Variants in PHKB observed in about 807,000 individuals in gnomAD.
The protein encoded by PHKB is phosphorylase b kinase regulatory subunit beta.
Under a neutral mutation model 152.1 loss-of-function variants are expected in PHKB, and 122 were observed. The ratio of observed to expected loss-of-function variants is 0.80; its 90% CI spans 0.69 to 0.93. The LOEUF (loss-of-function observed/expected upper bound fraction) is 0.93. PHKB is among the 40% of genes least tolerant of loss of function. The probability of loss-of-function intolerance (pLI) is 0.00; values close to 1 mark genes in which losing one functional copy is unlikely to be tolerated. For missense variants in PHKB, 1,304 were observed against 1,328.4 expected (o/e 0.98, Z 0.29); for synonymous variants, 436 against 464.9 (o/e 0.94, Z 0.80).
intron 13 of PHKB, among the ~76,000 whole-genome samples, chr16:47,604,442 T>C (rs897686813): frequency 7.4e-5 from 11 of 149,598 alleles, no homozygotes; most frequent in East Asian, 1.9e-4. Context: ...CACACACACA[T>C]GTATTTGGAA....
intron 20 of PHKB, among the ~76,000 whole-genome samples, chr16:47,651,188 A>G (rs993907010): frequency 2.0e-5 from 3 of 152,204 alleles, no homozygotes; most frequent in Non-Finnish European, 4.4e-5. Flanking sequence ...GACCTGCTTT[A>G]TAACCTTGGG....
intron 20 of PHKB, among the ~76,000 whole-genome samples, chr16:47,657,241 A>G (rs529662397): frequency 6.6e-6 from 1 of 152,290 alleles, no homozygotes; most frequent in South Asian, 2.1e-4. Flanking sequence ...CACTACTGTT[A>G]TCTGTGGGAA....
intron 4 of PHKB, 126 bp downstream of exon 4, chr16:47,503,216 C>T: frequency 1.3e-6 from 1 of 741,678 alleles, no homozygotes; most frequent in Non-Finnish European, 2.4e-6. Context: ...CTAGGGCGGC[C>T]TAGATAGGTT....
chr16:47,521,750 T>C (rs1341136896), intron 6 of PHKB, among the ~76,000 whole-genome samples: 2 of 152,184 alleles, frequency 1.3e-5, no homozygotes, highest in Non-Finnish European at 2.9e-5. Flanking sequence ...TATTCCTCGT[T>C]TCTTGAGTGC....
At chr16:47,508,125 C>G (rs1333459851) in intron 4 of PHKB, among the ~76,000 whole-genome samples, 2 of 152,132 alleles carry the variant, frequency 1.3e-5, no homozygotes, top group East Asian at 3.8e-4. Context: ...TCTAAAAATA[C>G]TAGCTAAAAG....
rs190868782 is a variant in PHKB, at chr16:47,488,452, C to T, written c.77-8947C>T. The stretch of plus-strand genomic sequence containing the variant: ...GAAGCTCTTTAGTTTAATTAGGTTC[C>T]AATTGTCAATTTTTGTTTTTGTTTT... On this transcript the variant is annotated intron_variant, in intron 1 of 30. Transcript: ENST00000323584. 2.0e-5 allele frequency among the ~76,000 whole-genome samples: 3 copies of T among 152,162 alleles called. No homozygotes were observed. The East Asian group carries it at 5.8e-4, about 29-fold the overall frequency.
intron 25 of PHKB, among the ~76,000 whole-genome samples, chr16:47,667,938 T>C (rs543191530): frequency 1.3e-5 from 2 of 152,268 alleles, no homozygotes; most frequent in East Asian, 3.9e-4. Context: ...CTCATCACAC[T>C]AGCGTGTCTC....
intron 7 of PHKB, among the ~76,000 whole-genome samples, chr16:47,559,493 G>T (rs1390677004): frequency 6.6e-6 from 1 of 152,120 alleles, no homozygotes; most frequent in African/African-American, 2.4e-5. Context: ...GGCAGTTTTT[G>T]CTCAGGGTCT....
At chr16:47,470,247 G>A (rs1969741572) in intron 1 of PHKB, among the ~76,000 whole-genome samples, 1 of 152,168 alleles carries the variant, frequency 6.6e-6, no homozygotes, top group South Asian at 2.1e-4. Context: ...CATTAGCATT[G>A]TTTCTGTAGA....
At chr16:47,692,166 A>G (rs930283482) in intron 27 of PHKB, among the ~76,000 whole-genome samples, 1 of 152,188 alleles carries the variant, frequency 6.6e-6, no homozygotes, top group African/African-American at 2.4e-5. Flanking sequence ...ATAAATTTTC[A>G]TTGGTCCTCT....
intron 15 of PHKB, among the ~76,000 whole-genome samples, chr16:47,641,354 C>T (rs996962089): frequency 2.6e-5 from 4 of 152,162 alleles, no homozygotes; most frequent in African/African-American, 9.7e-5. Flanking sequence ...GAAATTCATG[C>T]AAACACATGG....
At chr16:47,479,537 G>A (rs780628140) in intron 1 of PHKB, among the ~76,000 whole-genome samples, 18 of 151,842 alleles carry the variant, frequency 1.2e-4, no homozygotes, top group Non-Finnish European at 2.4e-4. Context: ...AGTTAAGCGG[G>A]TTTGGGATAG....
At chr16:47,515,704 C>G in intron 6 of PHKB, 103 bp downstream of exon 6, 2 of 693,264 alleles carry the variant, frequency 2.9e-6, no homozygotes, top group Non-Finnish European at 5.2e-6. Flanking sequence ...AAAATGTATT[C>G]CTGTTACATT....
At position 47,596,424 on chromosome 16, in the gene PHKB, A is replaced by G. The variant is rs775802488; in HGVS notation, c.1256A>G (p.Tyr419Cys). The G allele has an allele frequency of 1.9e-6, 3 of 1,612,302 alleles. No homozygotes were observed. Among genetic ancestry groups the G allele is most frequent in the Admixed American group, 3.3e-5 (2 of 60,016 alleles). The part of the protein sequence containing the change: ...YYYVPADFVE[Y>C]EKNNPGSQKR... ...TATGTGCCAGCTGACTTTGTAGAAT[A>G]TGAAAAAAATAACCCTGGTAGTCAA... is the stretch of plus-strand genomic sequence containing the variant. Residue 419 changes from tyrosine (Y) to cysteine (C), a missense_variant, in exon 13 of 31, where the codon TAT becomes TGT. Tyr to Cys is a radical substitution (Grantham distance 194, BLOSUM62 -2). Coordinates refer to ENST00000323584, the MANE Select transcript of PHKB (RefSeq NM_000293.3).
intron 2 of PHKB, 68 bp downstream of exon 2, chr16:47,497,556 A>G (rs1970253858): frequency 1.2e-6 from 1 of 865,136 alleles, no homozygotes; most frequent in Non-Finnish European, 1.9e-6. Flanking sequence ...CCCTAGTTAA[A>G]TTATGTACAT....
At chr16:47,602,939 C>T (rs1167706704) in intron 13 of PHKB, among the ~76,000 whole-genome samples, 1 of 152,204 alleles carries the variant, frequency 6.6e-6, no homozygotes, top group East Asian at 1.9e-4. Flanking sequence ...CTGTCTCTCT[C>T]TCTCTCTCTA....
At chr16:47,600,953 C>A (rs1051286869) in intron 13 of PHKB, among the ~76,000 whole-genome samples, 1 of 152,152 alleles carries the variant, frequency 6.6e-6, no homozygotes, top group Non-Finnish European at 1.5e-5. Context: ...CGACTAGCCT[C>A]GCTAGTAGAT....
intron 6 of PHKB, among the ~76,000 whole-genome samples, chr16:47,533,160 CAG>C (rs773582177): frequency 6.6e-5 from 10 of 152,134 alleles, no homozygotes; most frequent in Admixed American, 6.5e-5. Context: ...CAGTTTTTAG[CAG>C]AGAGGAAGCC....
chr16:47,503,686 G>T (rs1209646960), intron 4 of PHKB, among the ~76,000 whole-genome samples: 1 of 151,860 alleles, frequency 6.6e-6, no homozygotes, highest in Admixed American at 6.6e-5. Flanking sequence ...AAAATTAGCC[G>T]GGCATGGTGG....
Sources: allele counts gnomAD v4.1 joint callset (sites outside exome capture counted in the v4.1 genomes callset), GRCh38; gene constraint gnomAD v4.1.1; transcripts MANE v1.5; gene names NCBI Gene and HGNC (gene_info 2026-07-23, HGNC 2026-07-21).